CAMTA1: variants seen among roughly 807,000 people sequenced by gnomAD.
The protein encoded by CAMTA1 is calmodulin-binding transcription activator 1.
Under a neutral mutation model 170.9 loss-of-function variants are expected in CAMTA1, and 27 were observed. That is an observed-to-expected ratio of 0.16 (90% CI 0.12 to 0.22). CAMTA1 has a LOEUF of 0.22. Ranked by LOEUF, CAMTA1 falls within the 10% of genes least tolerant of loss-of-function variation. The pLI, the probability that CAMTA1 is intolerant of heterozygous loss-of-function variation, is 1.00. For synonymous variants in CAMTA1, 833 were observed against 891.5 expected (o/e 0.93, Z 1.17); for missense variants, 1,619 against 2,217.2 (o/e 0.73, Z 5.42).
rs540423452 is a variant in CAMTA1, at chr1:7,334,114, G to A, written c.438+84488G>A. On this transcript the variant is annotated intron_variant, in intron 5 of 22. Transcript: ENST00000303635. ...AATAGTACTTTAGATCTCAAACATCGCTGAAAGAAATGAACACGTGTAAGA... is the reference window on the plus strand; with the variant it reads ...AATAGTACTTTAGATCTCAAACATCACTGAAAGAAATGAACACGTGTAAGA... Among the ~76,000 whole-genome samples the A allele has an allele frequency of 1.1e-4, 16 of 152,318 alleles. No homozygotes were observed. The East Asian group carries it at 1.2e-3, about 11-fold the overall frequency.
intron 5 of CAMTA1, among the ~76,000 whole-genome samples, chr1:7,322,142 C>G (rs1318267390): frequency 6.6e-6 from 1 of 152,176 alleles, no homozygotes; most frequent in Admixed American, 6.5e-5. Context: ...ATTTTTTGAG[C>G]CCGGTGTCTG....
At chr1:6,838,995 G>A (rs938696444) in intron 3 of CAMTA1, among the ~76,000 whole-genome samples, 6 of 152,090 alleles carry the variant, frequency 3.9e-5, no homozygotes, top group African/African-American at 1.4e-4. Context: ...GGCCTCAAAT[G>A]ATCCTCTTGC....
At position 7,766,999 on chromosome 1, in the gene CAMTA1, T is replaced by C. The variant is rs2150346730; in HGVS notation, c.*508T>C. On this transcript the variant is annotated 3_prime_UTR_variant, in exon 23 of 23. Transcript: ENST00000303635. ...ACTGATTCTCAGTGGAGGGCTTAGA[T>C]CATACAAAAATCTTTATTGGGTCCG... 6.5e-6 allele frequency: 1 copy of C among 153,734 alleles called. No individual in the cohort carries two copies. Among genetic ancestry groups the C allele is most frequent in the East Asian group, 1.9e-4 (1 of 5,208 alleles). 9.5% of individuals were successfully genotyped at this position (153,734 alleles called of 1,614,324 possible).
chr1:6,982,474 G>A (rs1694595288), intron 3 of CAMTA1, among the ~76,000 whole-genome samples: 1 of 152,200 alleles, frequency 6.6e-6, no homozygotes, highest in Non-Finnish European at 1.5e-5. Context: ...AGCGGGAGGA[G>A]GGGCCAGAGT....
intron 6 of CAMTA1, among the ~76,000 whole-genome samples, chr1:7,621,881 G>C (rs948179501): frequency 6.6e-6 from 1 of 152,162 alleles, no homozygotes; most frequent in Admixed American, 6.5e-5. Context: ...AGCTCAGCTC[G>C]GCCACGTCTC....
At chr1:7,615,195 C>A (rs1016412530) in intron 6 of CAMTA1, among the ~76,000 whole-genome samples, 1 of 152,216 alleles carries the variant, frequency 6.6e-6, no homozygotes, top group Admixed American at 6.5e-5. Flanking sequence ...AGAGGGGCAG[C>A]CTTAGGACCT....
intron 3 of CAMTA1, among the ~76,000 whole-genome samples, chr1:6,914,229 C>T (rs1402959463): frequency 3.3e-5 from 5 of 151,466 alleles, no homozygotes; most frequent in Non-Finnish European, 7.4e-5. Context: ...CTCAGCCTCT[C>T]GAGTAGCTGG....
At position 7,162,850 on chromosome 1, in the gene CAMTA1, G is replaced by A. The variant is rs548908118; in HGVS notation, c.302+71479G>A. Among the ~76,000 whole-genome samples the A allele has an allele frequency of 4.0e-3, 603 of 152,292 alleles. 4 individuals are homozygous for A. Among genetic ancestry groups the A allele is most frequent in the Non-Finnish European group, 5.6e-3 (382 of 68,028 alleles). On this transcript the variant is annotated intron_variant, in intron 4 of 22. Coordinates refer to ENST00000303635, the MANE Select transcript of CAMTA1 (RefSeq NM_015215.4). ...AGGGGTGGAATTGCTGAGCCATGTG[G>A]TGACTCCGTGGCTGATCTTTTGAGG...
intron 4 of CAMTA1, among the ~76,000 whole-genome samples, chr1:7,247,268 C>T (rs1253554202): frequency 1.3e-5 from 2 of 152,182 alleles, no homozygotes; most frequent in South Asian, 2.1e-4. Flanking sequence ...TGCCAAAGGG[C>T]GGGTCACCAG....
intron 3 of CAMTA1, among the ~76,000 whole-genome samples, chr1:6,917,063 G>T (rs1680963326): frequency 6.6e-6 from 1 of 152,214 alleles, no homozygotes; most frequent in African/African-American, 2.4e-5. Context: ...GAGTTAGCCA[G>T]GTGAAGGGGG....
At chr1:7,413,802 G>A (rs1408655671) in intron 5 of CAMTA1, among the ~76,000 whole-genome samples, 3 of 152,144 alleles carry the variant, frequency 2.0e-5, no homozygotes, top group Non-Finnish European at 4.4e-5. Flanking sequence ...GGTTGAATAG[G>A]AGTGGTGAGA....
intron 9 of CAMTA1, among the ~76,000 whole-genome samples, chr1:7,667,398 G>A (rs2149188585): frequency 6.6e-6 from 1 of 152,310 alleles, no homozygotes; most frequent in South Asian, 2.1e-4. Context: ...CTGGCTCCTT[G>A]AGACCTGACT....
At chr1:7,652,495 G>A (rs917793234) in intron 7 of CAMTA1, among the ~76,000 whole-genome samples, 5 of 152,176 alleles carry the variant, frequency 3.3e-5, no homozygotes, top group African/African-American at 1.2e-4. Context: ...GGACTCGGGA[G>A]CTTCTGCCCA....
chr1:6,926,645 C>G (rs1447565703), intron 3 of CAMTA1, among the ~76,000 whole-genome samples: 5 of 143,672 alleles, frequency 3.5e-5, no homozygotes, highest in Non-Finnish European at 6.0e-5. Flanking sequence ...CTTCTTCTTT[C>G]TTTCTCTTTC....
intron 5 of CAMTA1, among the ~76,000 whole-genome samples, chr1:7,440,268 C>T (rs1277213302): frequency 6.6e-6 from 1 of 152,284 alleles, no homozygotes; most frequent in African/African-American, 2.4e-5. Flanking sequence ...CCGCAGCTGC[C>T]TCCTGACCAG....
chr1:7,737,056 G>A (rs1265766757), intron 14 of CAMTA1, 47 bp downstream of exon 14: 2 of 1,495,420 alleles, frequency 1.3e-6, no homozygotes, highest in Non-Finnish European at 1.9e-6. Context: ...CTTCCAGTCT[G>A]GCATAGGATT....
chr1:7,505,573 G>A (rs2094091723), intron 6 of CAMTA1, among the ~76,000 whole-genome samples: 1 of 152,192 alleles, frequency 6.6e-6, no homozygotes, highest in African/African-American at 2.4e-5. Flanking sequence ...ACCCAGGGCT[G>A]CAGTTTCAGG....
At chr1:7,271,296 C>T (rs1011781298) in intron 5 of CAMTA1, among the ~76,000 whole-genome samples, 2 of 152,124 alleles carry the variant, frequency 1.3e-5, no homozygotes, top group Non-Finnish European at 2.9e-5. Flanking sequence ...GGGAAGAAAA[C>T]TCTCATCAGA....
intron 3 of CAMTA1, among the ~76,000 whole-genome samples, chr1:7,077,880 T>G (rs890676853): frequency 3.3e-5 from 5 of 152,148 alleles, no homozygotes; most frequent in Non-Finnish European, 7.3e-5. Flanking sequence ...TTTGAATGAC[T>G]TACGACCCAT....
Sources: gnomAD v4.1 joint callset for allele counts (sites outside exome capture counted in the v4.1 genomes callset) on GRCh38, gnomAD v4.1.1 for gene constraint, MANE v1.5 for transcripts, NCBI Gene and HGNC (gene_info 2026-07-23, HGNC 2026-07-21) for gene names.